The following RASGRP3 variants were observed in gnomAD, a reference collection of about 807,000 sequenced individuals.
RASGRP3 encodes the protein RAS guanyl releasing protein 3, also known as ras guanyl-releasing protein 3.
RASGRP3 carries 54 observed loss-of-function variants against 82.7 expected under a neutral mutation model. The observed-to-expected ratio is 0.65, with a 90% CI of 0.52 to 0.82. RASGRP3 has a LOEUF of 0.82. RASGRP3 is among the 40% of genes least tolerant of loss of function. RASGRP3 has a pLI of 0.00. For missense variants in RASGRP3, 861 were observed against 828.9 expected, an observed-to-expected ratio of 1.04 and a Z score of -0.48; for synonymous variants, 309 against 300.5, an observed-to-expected ratio of 1.03 and a Z score of -0.29.
intron 1 of RASGRP3, among the ~76,000 whole-genome samples, chr2:33,441,448 C>T (rs193158596): frequency 2.6e-5 from 4 of 152,332 alleles, no homozygotes; most frequent in East Asian, 1.9e-4. Flanking sequence ...CAGAAAACAA[C>T]GCTCAGCCCA....
At chr2:33,500,537 G>C (rs1669766609) in intron 1 of RASGRP3, among the ~76,000 whole-genome samples, 1 of 152,158 alleles carries the variant, frequency 6.6e-6, no homozygotes, top group Non-Finnish European at 1.5e-5. Flanking sequence ...GCAAAAGAGA[G>C]TGCTAGGAAA....
chr2:33,484,521 G>C (rs911515982), intron 1 of RASGRP3, among the ~76,000 whole-genome samples: 3 of 151,688 alleles, frequency 2.0e-5, no homozygotes, highest in African/African-American at 7.3e-5. Context: ...GAGTTGACAC[G>C]ATGCTTTAGA....
chr2:33,562,582 C>A, intron 17 of RASGRP3, 147 bp from the exon 18 acceptor site: 2 of 855,322 alleles, frequency 2.3e-6, no homozygotes, highest in African/African-American at 1.7e-5. Context: ...CCTACATGAT[C>A]TCCTAATTCC....
chr2:33,539,074 G>T lies in RASGRP3; in HGVS notation c.1162-20G>T, dbSNP rs759259749. 296 of 1,290,620 alleles carry T rather than the reference G, an allele frequency of 2.3e-4. 1 individual carries two copies. The highest frequency in any genetic ancestry group is 4.9e-4 in the South Asian group (33 of 66,954). 79.9% of individuals were successfully genotyped at this position (1,290,620 alleles called of 1,614,324 possible). On this transcript the variant is annotated intron_variant, in intron 11 of 17. Coordinates refer to ENST00000403687, the MANE Select transcript of RASGRP3 (RefSeq NM_001139488.2). ...TAATAATAAAGTTGAAAAATATGTG[G>T]TTTTTTTTTTGTTTATCAGCAGCCT... is the stretch of plus-strand genomic sequence containing the variant.
intron 1 of RASGRP3, among the ~76,000 whole-genome samples, chr2:33,504,394 A>T (rs1433967642): frequency 6.6e-6 from 1 of 152,184 alleles, no homozygotes; most frequent in Non-Finnish European, 1.5e-5. Flanking sequence ...TGTCTCCCGC[A>T]TGGGATTGTA....
intron 17 of RASGRP3, among the ~76,000 whole-genome samples, chr2:33,561,445 C>T (rs897506): frequency 6.6e-5 from 10 of 151,840 alleles, no homozygotes; most frequent in Non-Finnish European, 1.5e-5. Context: ...TAATGAAGGA[C>T]GTATGCTCTT....
chr2:33,453,677 G>A (rs1665907570), intron 2 of RASGRP3, among the ~76,000 whole-genome samples: 1 of 152,172 alleles, frequency 6.6e-6, no homozygotes. Context: ...GTCACTCAGG[G>A]TCAGTCCTGA....
chr2:33,557,892 T>G (rs954641979), intron 15 of RASGRP3, among the ~76,000 whole-genome samples: 1 of 152,076 alleles, frequency 6.6e-6, no homozygotes, highest in South Asian at 2.1e-4. Flanking sequence ...TTGATTTGCA[T>G]TTAGTTTTGG....
chr2:33,562,433 G>C (rs1003946691), intron 17 of RASGRP3, among the ~76,000 whole-genome samples: 2 of 151,566 alleles, frequency 1.3e-5, no homozygotes, highest in African/African-American at 4.9e-5. Context: ...ATACCCAGCT[G>C]GTTTTTATTT....
chr2:33,524,034 G>A lies in RASGRP3; in HGVS notation c.672G>A (p.Lys224=), dbSNP rs202108707. Residue 224 remains lysine (K), a synonymous_variant, in exon 8 of 18, where the codon AAG becomes AAA. Coordinates refer to ENST00000403687, the MANE Select transcript of RASGRP3 (RefSeq NM_001139488.2). ...TPQQRAEVIT[K]FINVAKKLLQ... is the part of the protein sequence containing the mutation. ...AGCAAAGGGCAGAAGTCATCACAAA[G>A]TTTATCAATGTTGCAAAGGTATGTC... 44 of 1,613,780 alleles carry A rather than the reference G, an allele frequency of 2.7e-5. No homozygotes were observed. Among genetic ancestry groups the A allele is most frequent in the Non-Finnish European group, 3.5e-5 (41 of 1,179,838 alleles).
At chr2:33,451,394 C>A (rs1665794222) in intron 2 of RASGRP3, among the ~76,000 whole-genome samples, 1 of 152,120 alleles carries the variant, frequency 6.6e-6, no homozygotes, top group African/African-American at 2.4e-5. Context: ...ATTTGCTGTG[C>A]AGAAGCATTT....
At chr2:33,523,254 G>C (rs552692529) in intron 7 of RASGRP3, among the ~76,000 whole-genome samples, 25 of 152,212 alleles carry the variant, frequency 1.6e-4, no homozygotes, top group African/African-American at 6.0e-4. Context: ...ATGAGGTCAA[G>C]AGATCGAGAC....
intron 11 of RASGRP3, among the ~76,000 whole-genome samples, chr2:33,534,937 A>G (rs1427164856): frequency 1.3e-5 from 2 of 152,116 alleles, no homozygotes; most frequent in South Asian, 2.1e-4. Context: ...CATCATTCTC[A>G]TTACTCTGTT....
intron 4 of RASGRP3, among the ~76,000 whole-genome samples, chr2:33,517,450 AGAGAGGCACAGCCTTAGAGG>A (rs1345769652): frequency 6.6e-6 from 1 of 152,320 alleles, no homozygotes; most frequent in South Asian, 2.1e-4. Flanking sequence ...AGCCTTAGAG[AGAGAGGCACAGCCTTAGAGG>A]GAGAGGCACC....
intron 14 of RASGRP3, among the ~76,000 whole-genome samples, chr2:33,550,860 G>C (rs1007885159): frequency 6.6e-6 from 1 of 152,184 alleles, no homozygotes; most frequent in African/African-American, 2.4e-5. Context: ...GGGTAAATAA[G>C]AGGCAGCCGT....
intron 1 of RASGRP3, among the ~76,000 whole-genome samples, chr2:33,480,529 A>T (rs1667800142): frequency 6.6e-6 from 1 of 152,186 alleles, no homozygotes; most frequent in Non-Finnish European, 1.5e-5. Flanking sequence ...ATATGGGTAC[A>T]CGTGAAGTGG....
chr2:33,524,344 T>C (rs1005301107), intron 8 of RASGRP3, 88 bp from the exon 9 acceptor site: 16 of 898,640 alleles, frequency 1.8e-5, no homozygotes, highest in Non-Finnish European at 2.4e-5. Flanking sequence ...CTTCTTGTTA[T>C]TAAAATTGTG....
At chr2:33,485,846 T>G (rs558010716) in intron 1 of RASGRP3, among the ~76,000 whole-genome samples, 1 of 152,250 alleles carries the variant, frequency 6.6e-6, no homozygotes, top group Non-Finnish European at 1.5e-5. Context: ...GGATTTATTA[T>G]GTAAGAATTG....
upstream of RASGRP3, among the ~76,000 whole-genome samples, chr2:33,472,689 G>A (rs1324549638): frequency 6.6e-6 from 1 of 152,098 alleles, no homozygotes; most frequent in African/African-American, 2.4e-5. Context: ...AAGTAAGATG[G>A]CTCACGCCTG....
Sources: allele counts gnomAD v4.1 joint callset (sites outside exome capture counted in the v4.1 genomes callset), GRCh38; gene constraint gnomAD v4.1.1; transcripts MANE v1.5; gene names NCBI Gene and HGNC (gene_info 2026-07-23, HGNC 2026-07-21).